The following TTC39C variants were observed in gnomAD, a reference collection of about 807,000 sequenced individuals.
TTC39C encodes tetratricopeptide repeat domain 39C.
Under a neutral mutation model 76.3 loss-of-function variants are expected in TTC39C, and 33 were observed. The observed-to-expected ratio is 0.43, with a 90% CI of 0.33 to 0.58. TTC39C has a LOEUF of 0.58. Among genes scored for constraint, TTC39C ranks in the 20% least tolerant of loss-of-function variants. TTC39C has a pLI of 0.04. For missense variants in TTC39C, 595 were observed against 701.4 expected (o/e 0.85, Z 1.71); for synonymous variants, 254 against 260.6 (o/e 0.97, Z 0.24).
chr18:24,044,052 T>G (rs979836830), intron 1 of TTC39C, among the ~76,000 whole-genome samples: 15 of 147,960 alleles, frequency 1.0e-4, no homozygotes, highest in African/African-American at 3.7e-4. Context: ...TTGTGTATGT[T>G]TGTGTGTGTG....
At chr18:24,067,602 TCTAA>T (rs1451132516) in intron 3 of TTC39C, among the ~76,000 whole-genome samples, 1 of 152,098 alleles carries the variant, frequency 6.6e-6, no homozygotes, top group African/African-American at 2.4e-5. Flanking sequence ...CTTATGAGAA[TCTAA>T]CTAACGCCTG....
intron 7 of TTC39C, among the ~76,000 whole-genome samples, chr18:24,117,875 CTT>C (rs2084916592): frequency 6.6e-6 from 1 of 152,112 alleles, no homozygotes; most frequent in Admixed American, 6.6e-5. Context: ...TTCTAGAAAT[CTT>C]TATGCCATTC....
upstream of TTC39C, among the ~76,000 whole-genome samples, chr18:24,011,049 G>A (rs892796503): frequency 2.6e-5 from 4 of 152,194 alleles, no homozygotes; most frequent in East Asian, 7.7e-4. Flanking sequence ...CCTGTCTCAA[G>A]AAAAAAACCG....
chr18:24,113,379 C>T (rs527244374), intron 6 of TTC39C: 14 of 578,680 alleles, frequency 2.4e-5, no homozygotes, highest in Middle Eastern at 4.6e-4. Context: ...CCCAGGTCTG[C>T]GGGTGGGGGA....
rs770928753 is a variant in TTC39C at position 24,066,066 on chromosome 18, A to G, written c.271A>G (p.Lys91Glu). 1.1e-5 allele frequency: 18 copies of G among 1,599,604 alleles called. No individual in the cohort carries two copies. Among genetic ancestry groups the G allele is most frequent in the Non-Finnish European group, 1.4e-5 (16 of 1,176,642 alleles). ...AATGCAGTTGGCATGTGATGACTTA[A>G]AAACCACAGAAAAACTGTGTGAAAG... is the stretch of plus-strand genomic sequence containing the variant. ...EKMQLACDDL[K>E]TTEKLCESEE... The change falls in exon 3 of 14, where the codon AAA becomes GAA. Residue 91 changes from lysine to glutamate, a missense_variant. By Grantham distance (56) the Lys-to-Glu change is moderately conservative. Coordinates refer to ENST00000317571, the MANE Select transcript of TTC39C (RefSeq NM_001135993.2).
At chr18:24,112,334 C>G (rs186848511) in intron 6 of TTC39C, among the ~76,000 whole-genome samples, 2 of 152,210 alleles carry the variant, frequency 1.3e-5, no homozygotes, top group South Asian at 2.1e-4. Flanking sequence ...ACACACTCCC[C>G]GAAGAAAGCA....
At chr18:24,042,943 T>A (rs1325509491) in intron 1 of TTC39C, among the ~76,000 whole-genome samples, 2 of 152,150 alleles carry the variant, frequency 1.3e-5, no homozygotes, top group African/African-American at 4.8e-5. Flanking sequence ...GCAGATACCA[T>A]GACTCTCATA....
intron 1 of TTC39C, among the ~76,000 whole-genome samples, chr18:24,060,519 G>T (rs2084085099): frequency 6.6e-6 from 1 of 151,920 alleles, no homozygotes; most frequent in East Asian, 1.9e-4. Context: ...TGTTAGCCAG[G>T]CTGGTCTCGA....
At chr18:24,065,877 T>C in intron 2 of TTC39C, 135 bp from the exon 3 acceptor site, 1 of 874,568 alleles carries the variant, frequency 1.1e-6, no homozygotes, top group Non-Finnish European at 1.7e-6. Flanking sequence ...GAATAGATTA[T>C]GCTGTAACAT....
intron 6 of TTC39C, chr18:24,099,465 A>G (rs558427630): frequency 6.6e-6 from 1 of 152,002 alleles, no homozygotes; most frequent in African/African-American, 2.4e-5. Context: ...GATTTCATGT[A>G]TCAATTTTGT....
chr18:24,050,489 G>A (rs2083933767), intron 1 of TTC39C, among the ~76,000 whole-genome samples: 1 of 151,304 alleles, frequency 6.6e-6, no homozygotes, highest in African/African-American at 2.4e-5. Context: ...GCTTGAGCCC[G>A]GGAGGTCAAG....
At chr18:24,069,530 T>G (rs1162811817) in intron 4 of TTC39C, among the ~76,000 whole-genome samples, 1 of 152,172 alleles carries the variant, frequency 6.6e-6, no homozygotes, top group Admixed American at 6.5e-5. Flanking sequence ...CTACTGCCTC[T>G]TATATGTATG....
chr18:24,131,712 CAAAA>C lies in TTC39C; in HGVS notation c.1624-157_1624-154del, dbSNP rs11307092. 2.9e-3 allele frequency among the ~76,000 whole-genome samples: 357 copies of C among 122,338 alleles called. 3 individuals are homozygous for C. The East Asian group carries it at 0.06, about 20-fold the overall frequency. 80.3% of individuals were successfully genotyped at this position (122,338 alleles called of 152,430 possible). ...TGGACAACAGAGTGAAACTCCATCTCAAAAAAAAAAAAAAAAGAAGAATATTGGA... is the reference window on the plus strand; with the variant it reads ...TGGACAACAGAGTGAAACTCCATCTCAAAAAAAAAAAAGAAGAATATTGGA... On this transcript the variant is annotated intron_variant, in intron 12 of 13. Transcript: ENST00000317571.
At chr18:24,056,849 C>G (rs1030261362) in intron 1 of TTC39C, among the ~76,000 whole-genome samples, 2 of 151,864 alleles carry the variant, frequency 1.3e-5, no homozygotes, top group African/African-American at 4.8e-5. Context: ...TATGTTTGTT[C>G]TGTAATTTTT....
chr18:24,108,614 T>A (rs12458925), intron 6 of TTC39C, among the ~76,000 whole-genome samples: 24,114 of 152,244 alleles, frequency 0.16, 2,155 homozygotes, highest in Non-Finnish European at 0.18. Context: ...TATGTTGAGA[T>A]CTTTATATAG....
At chr18:24,033,119 G>A (rs1443412910) in intron 1 of TTC39C, among the ~76,000 whole-genome samples, 1 of 152,166 alleles carries the variant, frequency 6.6e-6, no homozygotes, top group Non-Finnish European at 1.5e-5. Context: ...TGGGCCTGGT[G>A]GCACATGCCT....
chr18:24,098,384 C>A, intron 6 of TTC39C, among the ~76,000 whole-genome samples: 1 of 75,522 alleles, frequency 1.3e-5, no homozygotes. Flanking sequence ...TCTTTTCCTT[C>A]CCTCCCTCCC....
intron 1 of TTC39C, among the ~76,000 whole-genome samples, chr18:24,037,816 G>T (rs1322721276): frequency 6.6e-6 from 1 of 152,208 alleles, no homozygotes; most frequent in African/African-American, 2.4e-5. Flanking sequence ...TCTTCAAGGA[G>T]ATCACAAGGA....
At chr18:24,049,534 T>C (rs768059405) in intron 1 of TTC39C, among the ~76,000 whole-genome samples, 1 of 152,216 alleles carries the variant, frequency 6.6e-6, no homozygotes, top group Non-Finnish European at 1.5e-5. Flanking sequence ...CTGAACCCTG[T>C]GCTGGGTAGG....
Sources: gnomAD v4.1 joint callset for allele counts (sites outside exome capture counted in the v4.1 genomes callset) on GRCh38, gnomAD v4.1.1 for gene constraint, MANE v1.5 for transcripts, NCBI Gene and HGNC (gene_info 2026-07-23, HGNC 2026-07-21) for gene names.